The following MYRFL variants were observed in gnomAD, a reference collection of about 807,000 sequenced individuals.
The protein encoded by MYRFL is myelin regulatory factor like.
In MYRFL, 88 loss-of-function variants were observed where a neutral mutation model predicts 109.4. That is an observed-to-expected ratio of 0.80 (90% CI 0.68 to 0.96). The LOEUF (loss-of-function observed/expected upper bound fraction) is 0.96. Among genes scored for constraint, MYRFL ranks in the 40% least tolerant of loss-of-function variants. The pLI, the probability that MYRFL is intolerant of heterozygous loss-of-function variation, is 0.00. For missense variants in MYRFL, 957 were observed against 954.9 expected, an observed-to-expected ratio of 1.00 and a Z score of -0.03; for synonymous variants, 324 against 320.9, an observed-to-expected ratio of 1.01 and a Z score of -0.10.
chr12:69,855,217 T>C (rs11177906), intron 1 of MYRFL, 63 bp from the exon 2 acceptor site: 83,823 of 672,344 alleles, frequency 0.12, 6,535 homozygotes, highest in Non-Finnish European at 0.17. Context: ...TTTGTCAGTG[T>C]TTTTAGCCAT....
chr12:69,880,080 GA>G lies in MYRFL; in HGVS notation c.465-119del. The G allele has an allele frequency of 1.7e-5, 10 of 597,446 alleles. No homozygotes were observed. In the South Asian group the frequency reaches 2.1e-4, roughly 12 times the overall value. 37.0% of individuals were successfully genotyped at this position (597,446 alleles called of 1,614,324 possible). A position where few individuals can be genotyped will look rare whatever the true frequency, so the allele number is the denominator to read the frequency against. On this transcript the variant is annotated intron_variant, in intron 4 of 24. Transcript: ENST00000552032. ...TAGTTTCAGCCTAGTAGGGCTCAAG[GA>G]ACCTTAACTAATTGGAATTAGACTT...
intron 1 of MYRFL, among the ~76,000 whole-genome samples, chr12:69,841,607 A>C (rs1445953184): frequency 6.6e-6 from 1 of 152,112 alleles, no homozygotes; most frequent in Admixed American, 6.5e-5. Flanking sequence ...TGACCACACC[A>C]CACCAGGTCA....
chr12:69,894,770 C>G (rs1887121541), intron 8 of MYRFL, among the ~76,000 whole-genome samples: 1 of 152,212 alleles, frequency 6.6e-6, no homozygotes, highest in Non-Finnish European at 1.5e-5. Context: ...GGAGACATCT[C>G]AGGGTTTTGA....
chr12:69,879,150 C>CA (rs749082631), intron 3 of MYRFL, 45 bp from the exon 4 acceptor site: 37,182 of 702,840 alleles, frequency 0.053, 1,101 homozygotes, highest in South Asian at 0.07. Context: ...CTCCTCGACT[C>CA]TGGGCCGTGA....
Position 69,855,265 on chromosome 12 carries a change from A to G in MYRFL, c.47-15A>G, listed in dbSNP as rs1884204319. 1.4e-6 allele frequency: 1 copy of G among 698,510 alleles called. No homozygotes were observed. 43.3% of individuals were successfully genotyped at this position (698,510 alleles called of 1,614,324 possible). Reference sequence around the variant, plus strand: ...AATCTTCATGTTTCTCAAGATTTTCAATTTGCCTTTGCAGCTCAGGGAGCC... The same window carrying G: ...AATCTTCATGTTTCTCAAGATTTTCGATTTGCCTTTGCAGCTCAGGGAGCC... On this transcript the variant is annotated splice_polypyrimidine_tract_variant and intron_variant, in intron 1 of 24. Coordinates refer to ENST00000552032, the MANE Select transcript of MYRFL (RefSeq NM_182530.3).
chr12:69,913,539 T>C (rs1039153412), intron 13 of MYRFL, among the ~76,000 whole-genome samples: 1 of 152,250 alleles, frequency 6.6e-6, no homozygotes, highest in Admixed American at 6.5e-5. Flanking sequence ...CTGGCACAAT[T>C]TGTTGAAAAG....
intron 2 of MYRFL, among the ~76,000 whole-genome samples, chr12:69,860,665 T>C (rs1210464169): frequency 6.6e-6 from 1 of 152,130 alleles, no homozygotes; most frequent in African/African-American, 2.4e-5. Flanking sequence ...TTTTAAATTG[T>C]TTGAAGATTT....
chr12:69,829,044 C>T (rs890444424), intron 1 of MYRFL, among the ~76,000 whole-genome samples: 21 of 151,852 alleles, frequency 1.4e-4, no homozygotes, highest in Admixed American at 1.1e-3. Context: ...AAAAGTATGC[C>T]GTGGGAAAAA....
Position 69,903,734 on chromosome 12 carries a change from G to A in MYRFL, c.1273G>A (p.Gly425Arg). ...PESIVCHGRVGINTDAPDEAL... is the reference protein window; with the variant it reads ...PESIVCHGRVRINTDAPDEAL... Reference sequence around the variant, plus strand: ...ATCTATTGTCTGTCACGGTCGAGTAGGAATCAACACAGATGCGCCGGACGA... The same window carrying A: ...ATCTATTGTCTGTCACGGTCGAGTAAGAATCAACACAGATGCGCCGGACGA... The change falls in exon 11 of 25, where the codon GGA becomes AGA. Residue 425 changes from glycine (G) to arginine (R), a missense_variant. Transcript: ENST00000552032. 1 of 1,535,890 alleles carries A rather than the reference G, an allele frequency of 6.5e-7. No individual in the cohort carries two copies. Among genetic ancestry groups the A allele is most frequent in the Non-Finnish European group, 8.7e-7 (1 of 1,146,698 alleles).
chr12:69,867,876 A>C (rs940311399), intron 2 of MYRFL, among the ~76,000 whole-genome samples: 1 of 152,228 alleles, frequency 6.6e-6, no homozygotes, highest in Admixed American at 6.5e-5. Context: ...AGCCTGAAGA[A>C]GAAGACTGGG....
intron 11 of MYRFL, among the ~76,000 whole-genome samples, chr12:69,908,327 A>C (rs929784118): frequency 1.3e-5 from 2 of 152,220 alleles, no homozygotes; most frequent in African/African-American, 4.8e-5. Flanking sequence ...ATTGTGACTC[A>C]TGCTATGAAG....
At chr12:69,944,843 G>A (rs184626839) in intron 19 of MYRFL, among the ~76,000 whole-genome samples, 54 of 152,222 alleles carry the variant, frequency 3.5e-4, no homozygotes, top group Non-Finnish European at 7.1e-4. Context: ...ACACCTGCAC[G>A]TTCTGCACAT....
chr12:69,882,959 G>A (rs1292180071), intron 5 of MYRFL, among the ~76,000 whole-genome samples: 3 of 152,150 alleles, frequency 2.0e-5, no homozygotes, highest in Admixed American at 6.6e-5. Flanking sequence ...ATTATGAAAC[G>A]AGAATAATAA....
chr12:69,936,755 C>CA, intron 19 of MYRFL, 123 bp downstream of exon 19: 1 of 871,920 alleles, frequency 1.1e-6, no homozygotes, highest in Non-Finnish European at 1.6e-6. Context: ...TTTGGGGTGG[C>CA]AAAATCTTTA....
intron 13 of MYRFL, among the ~76,000 whole-genome samples, chr12:69,924,420 A>T (rs897166989): frequency 6.6e-6 from 1 of 152,140 alleles, no homozygotes; most frequent in Non-Finnish European, 1.5e-5. Context: ...ACTTTGCTCC[A>T]TAACAGTATA....
chr12:69,863,297 A>G (rs1002692853), intron 2 of MYRFL, among the ~76,000 whole-genome samples: 6 of 152,090 alleles, frequency 3.9e-5, no homozygotes, highest in Middle Eastern at 3.4e-3. Flanking sequence ...CTCTTTTTCT[A>G]TTGATTGGAA....
In MYRFL at chr12:69,895,455, A is replaced by G. The variant is rs553407403; in HGVS notation, c.1065A>G (p.Lys355=). 7.4e-5 allele frequency: 114 copies of G among 1,535,822 alleles called. No individual in the cohort carries two copies. The East Asian group carries it at 2.7e-3, about 36-fold the overall frequency. ...AAACCACAGCAAATAATATGAGAAA[A>G]AAGGGAAAACCAAATCCAGACCAGA... is the stretch of plus-strand genomic sequence containing the variant. ...FSETTANNMR[K]KGKPNPDQRY... The change falls in exon 9 of 25, where the codon AAA becomes AAG. Residue 355 remains lysine (K), a synonymous_variant. Coordinates refer to ENST00000552032, the MANE Select transcript of MYRFL (RefSeq NM_182530.3).
intron 13 of MYRFL, among the ~76,000 whole-genome samples, chr12:69,911,771 G>C (rs1470005611): frequency 6.6e-6 from 1 of 152,198 alleles, no homozygotes; most frequent in Admixed American, 6.5e-5. Flanking sequence ...TGAGAGGAAA[G>C]ACCAATTGAT....
intron 2 of MYRFL, among the ~76,000 whole-genome samples, chr12:69,858,393 A>T (rs1565975604): frequency 6.6e-6 from 1 of 151,954 alleles, no homozygotes; most frequent in African/African-American, 2.4e-5. Context: ...CCCTCACTTA[A>T]ATTCTCTGGA....
Sources: gnomAD v4.1 joint callset for allele counts (sites outside exome capture counted in the v4.1 genomes callset) on GRCh38, gnomAD v4.1.1 for gene constraint, MANE v1.5 for transcripts, NCBI Gene and HGNC (gene_info 2026-07-23, HGNC 2026-07-21) for gene names.